Variants in CLUH observed in about 807,000 individuals in gnomAD.
CLUH encodes the protein CLUH binding protein of NUMT mRNA.
In CLUH, 77 loss-of-function variants were observed where a neutral mutation model predicts 139.3. The observed-to-expected ratio is 0.55, with a 90% CI of 0.46 to 0.67. The LOEUF (loss-of-function observed/expected upper bound fraction) is 0.67, where lower values mean the gene tolerates loss of function less well. Among genes scored for constraint, CLUH ranks in the 30% least tolerant of loss-of-function variants. The pLI, the probability that CLUH is intolerant of heterozygous loss-of-function variation, is 0.00. For missense variants in CLUH, 1,876 were observed against 1,875.8 expected (o/e 1.00, Z 0.00); for synonymous variants, 999 against 801.6 (o/e 1.25, Z -4.16).
In CLUH at chr17:2,689,814, G is replaced by GC. The variant is rs1238710574; in HGVS notation, c.*779dup. ...CCCAGCCTCGCCCCCGGCCCACTGT[G>GC]CGTTCGGCAGCTCAGGTTAAAACTG... On this transcript the variant is annotated 3_prime_UTR_variant, in exon 26 of 26. Transcript: ENST00000651024. 2 of 152,700 alleles carry GC rather than the reference G, an allele frequency of 1.3e-5. No individual in the cohort carries two copies. Among genetic ancestry groups the GC allele is most frequent in the Admixed American group, 1.3e-4 (2 of 15,268 alleles). 9.5% of individuals were successfully genotyped at this position (152,700 alleles called of 1,614,324 possible).
In CLUH at chr17:2,707,879, T is replaced by G. The variant is rs891156134; in HGVS notation, c.101-3315A>C. 10 of 985,446 alleles carry G rather than the reference T, an allele frequency of 1.0e-5. No homozygotes were observed. Among genetic ancestry groups the G allele is most frequent in the Non-Finnish European group, 1.2e-5 (10 of 829,918 alleles). 61.0% of individuals were successfully genotyped at this position (985,446 alleles called of 1,614,324 possible). A position where few individuals can be genotyped will look rare whatever the true frequency, so the allele number is the denominator to read the frequency against. ...CAGCCCCTTCCTGGGAGTCACTGGT[T>G]CTGGTGGAAGGGAGGGGGATGGGCC... On this transcript the variant is annotated intron_variant, in intron 1 of 25. Coordinates refer to ENST00000651024, the MANE Select transcript of CLUH (RefSeq NM_001366661.1). The surrounding 1 kb of genome is among the most constrained non-coding windows in gnomAD (Gnocchi z 7.4).
intron 23 of CLUH, 42 bp downstream of exon 23, chr17:2,691,940 GCCCCGCCCCCGCCCCGCCACGC>G (rs2069667496): frequency 7.7e-7 from 1 of 1,298,946 alleles, no homozygotes; most frequent in South Asian, 1.6e-5. Context: ...TGCCCCCGCG[GCCCCGCCCCCGCCCCGCCACGC>G]CCCCGCCCCG....
At chr17:2,694,822 T>TGCCCCCCCCCCCC in intron 16 of CLUH, 35 bp downstream of exon 16, 89 of 1,346,308 alleles carry the variant, frequency 6.6e-5, no homozygotes, top group Non-Finnish European at 8.2e-5. Context: ...ATCTGCCCAA[T>TGCCCCCCCCCCCC]CCCACCCACC....
chr17:2,691,991 C>A lies in CLUH; in HGVS notation c.3654+13G>T, dbSNP rs780521922. On this transcript the variant is annotated intron_variant, in intron 23 of 25. Transcript: ENST00000651024. ...CGCCCCGCCCCCGCCCCCGCCACGCCCCCGCCGCGCACCTGCGTCTTGTAG... is the reference window on the plus strand; with the variant it reads ...CGCCCCGCCCCCGCCCCCGCCACGCACCCGCCGCGCACCTGCGTCTTGTAG... 17 of 1,352,138 alleles carry A rather than the reference C, an allele frequency of 1.3e-5. No individual in the cohort carries two copies. The East Asian group carries it at 1.8e-4, about 14-fold the overall frequency. 83.8% of individuals were successfully genotyped at this position (1,352,138 alleles called of 1,614,324 possible). A position where few individuals can be genotyped will look rare whatever the true frequency, so the allele number is the denominator to read the frequency against.
chr17:2,700,944 G>A (rs1213108189), intron 7 of CLUH, 119 bp from the exon 8 acceptor site: 4 of 1,435,224 alleles, frequency 2.8e-6, no homozygotes, highest in Non-Finnish European at 3.7e-6. Flanking sequence ...CACTGCCCTG[G>A]AGCCAGATGG....
At chr17:2,696,974 C>G (rs930638409) in intron 10 of CLUH, 32 bp from the exon 11 acceptor site, 4 of 1,481,222 alleles carry the variant, frequency 2.7e-6, no homozygotes, top group South Asian at 1.4e-5. Context: ...AGAGCAGGAG[C>G]TGGACATCGG....
rs1482406868 is a variant in CLUH at position 2,694,418 on chromosome 17, GCAGCAGGGACGCAGCGGGGACA to G, written c.2937+40_2937+61del. ...TGGCCCTGGCCAGGAGTGGGAGCCT[GCAGCAGGGACGCAGCGGGGACA>G]CAGCGGGGACACAGCGGGGATGCTG... On this transcript the variant is annotated intron_variant, in intron 17 of 25. Coordinates refer to ENST00000651024, the MANE Select transcript of CLUH (RefSeq NM_001366661.1). The G allele has an allele frequency of 2.4e-3, 2,277 of 945,090 alleles. 12 individuals are homozygous for G. Among genetic ancestry groups the G allele is most frequent in the African/African-American group, 8.2e-3 (544 of 66,362 alleles). 58.5% of individuals were successfully genotyped at this position (945,090 alleles called of 1,614,324 possible).
rs1004316386 is a variant in CLUH, at chr17:2,704,649, C to T, written c.101-85G>A. The stretch of plus-strand genomic sequence containing the variant: ...CCTGACCCCACACGGGGACACGTGC[C>T]TTCTGGAAAGGCATCTGCATGCCCT... On this transcript the variant is annotated intron_variant, in intron 1 of 25. Coordinates refer to ENST00000651024, the MANE Select transcript of CLUH (RefSeq NM_001366661.1). The surrounding 1 kb of genome is among the most constrained non-coding windows in gnomAD (Gnocchi z 5.7). 1.5e-6 allele frequency: 2 copies of T among 1,338,230 alleles called. No individual in the cohort carries two copies. The highest frequency in any genetic ancestry group is 2.9e-5 in the African/African-American group (2 of 68,226). The allele number at this position is 1,338,230 out of a possible 1,614,324, so 82.9% of individuals were successfully genotyped here. A position where few individuals can be genotyped will look rare whatever the true frequency, so the allele number is the denominator to read the frequency against.
chr17:2,700,995 T>C (rs1469271713), intron 7 of CLUH, 145 bp downstream of exon 7: 1 of 1,467,340 alleles, frequency 6.8e-7, no homozygotes, highest in African/African-American at 1.4e-5. Flanking sequence ...GTCTCGGCAC[T>C]GGCCGACAGC....
intron 16 of CLUH, 108 bp downstream of exon 16, chr17:2,694,749 C>T: frequency 7.1e-7 from 1 of 1,417,576 alleles, no homozygotes; most frequent in Non-Finnish European, 9.4e-7. Flanking sequence ...CCTCTTCTCT[C>T]TGACTCCCTG....
In CLUH at chr17:2,694,842, C is replaced by T; in HGVS notation, c.2852+15G>A. The T allele has an allele frequency of 6.7e-7, 1 of 1,482,506 alleles. No homozygotes were observed. The highest frequency in any genetic ancestry group is 1.4e-5 in the South Asian group (1 of 72,428). The allele number at this position is 1,482,506 out of a possible 1,614,324, so 91.8% of individuals were successfully genotyped here. ...CCCAATCCCACCCACCCCACCGCCCCTGCCCCGCACGCACCACTCGAGGTC... is the reference window on the plus strand; with the variant it reads ...CCCAATCCCACCCACCCCACCGCCCTTGCCCCGCACGCACCACTCGAGGTC... On this transcript the variant is annotated intron_variant, in intron 16 of 25. Coordinates refer to ENST00000651024, the MANE Select transcript of CLUH (RefSeq NM_001366661.1).
chr17:2,692,519 G>C, intron 21 of CLUH, 37 bp from the exon 22 acceptor site: 1 of 1,598,068 alleles, frequency 6.3e-7, no homozygotes, highest in Non-Finnish European at 8.5e-7. Flanking sequence ...GTCAGCTCCC[G>C]GTCCCCTGGG....
rs762894650 is a variant in CLUH at position 2,692,730 on chromosome 17, G to A, written c.3313-34C>T. 4.4e-6 allele frequency: 7 copies of A among 1,602,222 alleles called. No homozygotes were observed. The South Asian group carries it at 4.4e-5, about 10-fold the overall frequency. ...GGGGCGGAGACAGGTCAGGGTGGCCGCGGACCCAGCCCCTCGCATCCCCCG... is the reference window on the plus strand; with the variant it reads ...GGGGCGGAGACAGGTCAGGGTGGCCACGGACCCAGCCCCTCGCATCCCCCG... On this transcript the variant is annotated intron_variant, in intron 20 of 25. Transcript: ENST00000651024.
In CLUH at chr17:2,692,208, G is replaced by A. The variant is rs144805962; in HGVS notation, c.3561-111C>T. 4.4e-3 allele frequency: 6,330 copies of A among 1,444,876 alleles called. 244 individuals carry two copies. The African/African-American group carries it at 0.079, about 18-fold the overall frequency. The allele number at this position is 1,444,876 out of a possible 1,614,324, so 89.5% of individuals were successfully genotyped here. A position where few individuals can be genotyped will look rare whatever the true frequency, so the allele number is the denominator to read the frequency against. ...AGATCCCTCCCTGGAAGCCACCGAGGGGAACAGCAAGTCCAGGGCTCAGGG... is the reference window on the plus strand; with the variant it reads ...AGATCCCTCCCTGGAAGCCACCGAGAGGAACAGCAAGTCCAGGGCTCAGGG... On this transcript the variant is annotated intron_variant, in intron 22 of 25. Transcript: ENST00000651024.
intron 1 of CLUH, among the ~76,000 whole-genome samples, chr17:2,710,897 T>A (rs2070495303): frequency 6.6e-6 from 1 of 152,362 alleles, no homozygotes; most frequent in Middle Eastern, 3.4e-3. Flanking sequence ...GCCAAGGAGT[T>A]TGGCTCTGCC....
chr17:2,693,965 C>A lies in CLUH; in HGVS notation c.3166G>T (p.Val1056Leu). The change falls in exon 19 of 26, where the codon GTG (valine) becomes TTG (leucine). Residue 1056 changes from valine to leucine, a missense_variant. Physicochemically the swap from Val to Leu is conservative, Grantham distance 32 (BLOSUM62 1). Around this residue, in one of 3 missense-constraint regions of CLUH, gnomAD observed 1,454 missense variants for 1,384.4 expected, o/e 1.05. Coordinates refer to ENST00000651024, the MANE Select transcript of CLUH (RefSeq NM_001366661.1). The stretch of plus-strand genomic sequence containing the variant: ...AGGCGCAGGCAGGCGCAGGTCTCCA[C>A]GTGCATGGCTCCGTAGACGTTGTTA... ...LFNNVYGAMH[V>L]ETCACLRLLA... The A allele has an allele frequency of 6.2e-7, 1 of 1,613,874 alleles. No homozygotes were observed. The highest frequency in any genetic ancestry group is 1.3e-5 in the African/African-American group (1 of 75,062).
At chr17:2,694,822 T>TACCCCCCCCCCCCC in intron 16 of CLUH, 35 bp downstream of exon 16, 25 of 1,346,316 alleles carry the variant, frequency 1.9e-5, no homozygotes, top group East Asian at 5.1e-5. Context: ...ATCTGCCCAA[T>TACCCCCCCCCCCCC]CCCACCCACC....
chr17:2,700,676 A>C lies in CLUH; in HGVS notation c.1173+2T>G. On this transcript the variant is annotated splice_donor_variant, in intron 8 of 25. Transcript: ENST00000651024. LOFTEE classifies it high-confidence loss of function. ...GCGAGGGCAGGGCCAGGTTGCAGGCACCTGTCCAGGAATGTGCTCCTCATA... is the reference window on the plus strand; with the variant it reads ...GCGAGGGCAGGGCCAGGTTGCAGGCCCCTGTCCAGGAATGTGCTCCTCATA... 1 of 1,520,770 alleles carries C rather than the reference A, an allele frequency of 6.6e-7. No individual in the cohort carries two copies. Among genetic ancestry groups the C allele is most frequent in the Non-Finnish European group, 8.8e-7 (1 of 1,137,748 alleles). 94.2% of individuals were successfully genotyped at this position (1,520,770 alleles called of 1,614,324 possible).
intron 1 of CLUH, among the ~76,000 whole-genome samples, chr17:2,708,978 G>A (rs2070434558): frequency 6.6e-6 from 1 of 152,158 alleles, no homozygotes; most frequent in African/African-American, 2.4e-5. Context: ...AGCTTTAGGG[G>A]AGGGGAAAAG....
Sources: allele counts gnomAD v4.1 joint callset (sites outside exome capture counted in the v4.1 genomes callset), GRCh38; gene constraint gnomAD v4.1.1; regional missense constraint gnomAD v4.1.1; non-coding constraint Gnocchi (gnomAD v3.1); transcripts MANE v1.5; gene names NCBI Gene and HGNC (gene_info 2026-07-23, HGNC 2026-07-21).